PRH1: variants seen among roughly 807,000 people sequenced by gnomAD.
PRH1 encodes the protein salivary acidic proline-rich phosphoprotein 1/2.
Under a neutral mutation model 7.9 loss-of-function variants are expected in PRH1, and 7 were observed. The observed-to-expected ratio is 0.89, with a 90% CI of 0.50 to 1.67. The LOEUF is 1.67. Among genes scored for constraint, PRH1 ranks in the 40% most tolerant of loss-of-function variants. PRH1 has a pLI of 0.00. For synonymous variants in PRH1, 45 were observed against 80.8 expected (o/e 0.56, Z 2.38); for missense variants, 109 against 223.6 (o/e 0.49, Z 3.27).
chr12:10,959,482 A>G (rs920340348), intron 2 of PRH1, among the ~76,000 whole-genome samples: 1 of 152,038 alleles, frequency 6.6e-6, no homozygotes, highest in African/African-American at 2.4e-5. Context: ...GTAAATTTAG[A>G]CCCTTATTTT....
intron 3 of PRH1, 133 bp downstream of exon 3, chr12:10,882,084 C>A: frequency 6.6e-7 from 1 of 1,507,946 alleles, no homozygotes; most frequent in Non-Finnish European, 8.9e-7. Context: ...ACAAGAATAT[C>A]TGAATAACAA....
At chr12:10,885,507 A>C (rs748014414), upstream of PRH1, among the ~76,000 whole-genome samples, 5 of 152,150 alleles carry the variant, frequency 3.3e-5, no homozygotes, top group Non-Finnish European at 7.3e-5. Context: ...ACAATAAAAA[A>C]TTAAGTTTCC....
chr12:11,097,384 T>C (rs1945098421), intron 1 of PRH1: 1 of 116,734 alleles, frequency 8.6e-6, no homozygotes, highest in Non-Finnish European at 2.0e-5. Flanking sequence ...TTTGACAGTT[T>C]GGTCCTAAAA....
rs537766072 is a variant in PRH1 at position 10,925,789 on chromosome 12, T to A, written c.-58-41514A>T. ...CTCATTCCTTCTCATATTGTAATAA[T>A]GAAATGAATAAATGAATAGCAAGTG... On this transcript the variant is annotated intron_variant, in intron 2 of 3. Coordinates refer to the PRH1 transcript ENST00000539853. 5.5e-4 allele frequency among the ~76,000 whole-genome samples: 84 copies of A among 152,308 alleles called. 1 individual carries two copies. The highest frequency in any genetic ancestry group is 1.6e-3 in the African/African-American group (67 of 41,568).
At chr12:11,095,020 G>T (rs374456939) in intron 1 of PRH1, among the ~76,000 whole-genome samples, 1,220 of 53,304 alleles carry the variant, frequency 0.023, 177 homozygotes, top group South Asian at 0.036. Context: ...TACTTTGAAC[G>T]CTGTATAGGT....
At chr12:11,061,230 TAA>T (rs1943586281) in intron 1 of PRH1, 2 of 1,321,586 alleles carry the variant, frequency 1.5e-6, no homozygotes, top group Admixed American at 2.6e-5. Context: ...TAACGTTAGG[TAA>T]AAGACTTTTC....
upstream of PRH1, among the ~76,000 whole-genome samples, chr12:10,886,294 G>A (rs1037956008): frequency 3.9e-5 from 6 of 152,178 alleles, no homozygotes; most frequent in African/African-American, 1.2e-4. Flanking sequence ...AAAGAGGAGT[G>A]CCAGGCAGAT....
intron 2 of PRH1, among the ~76,000 whole-genome samples, chr12:10,970,995 C>CT (rs1455059255): frequency 6.6e-6 from 1 of 152,142 alleles, no homozygotes; most frequent in Admixed American, 6.5e-5. Flanking sequence ...CATTATTTTA[C>CT]TTTTTTTGCC....
chr12:10,997,053 G>A (rs771389148), intron 1 of PRH1: 5 of 1,614,024 alleles, frequency 3.1e-6, no homozygotes, highest in South Asian at 1.1e-5. Context: ...ATGAATGAGT[G>A]GAATGATGGA....
chr12:11,092,650 T>C (rs1386487879), intron 1 of PRH1, among the ~76,000 whole-genome samples: 1 of 110,030 alleles, frequency 9.1e-6, no homozygotes, highest in African/African-American at 3.0e-5. Flanking sequence ...CGCTGATTGC[T>C]GTGGTTTTAC....
At chr12:11,071,186 T>G (rs1417247852) in intron 1 of PRH1, among the ~76,000 whole-genome samples, 1,655 of 150,314 alleles carry the variant, frequency 0.011, no homozygotes, top group Middle Eastern at 0.024. Flanking sequence ...ACCACAGAAT[T>G]TTTACCTCCA....
At chr12:11,117,582 G>T (rs923974797), downstream of PRH1, among the ~76,000 whole-genome samples, 2 of 151,922 alleles carry the variant, frequency 1.3e-5, no homozygotes, top group African/African-American at 4.8e-5. Context: ...TTTATATAGA[G>T]CCACAACTGA....
chr12:10,982,016 T>C (rs779512044), intron 1 of PRH1, among the ~76,000 whole-genome samples: 41 of 152,184 alleles, frequency 2.7e-4, no homozygotes, highest in Non-Finnish European at 3.7e-4. Flanking sequence ...TTTTTGAAGA[T>C]CAGATGGTAC....
chr12:10,912,025 T>G (rs896021340), intron 2 of PRH1, among the ~76,000 whole-genome samples: 14 of 152,322 alleles, frequency 9.2e-5, no homozygotes, highest in African/African-American at 3.1e-4. Context: ...TGCACATGAA[T>G]GGAATAATAC....
chr12:11,010,230 A>T (rs750671416), intron 1 of PRH1, among the ~76,000 whole-genome samples: 103 of 152,114 alleles, frequency 6.8e-4, no homozygotes, highest in Non-Finnish European at 1.3e-3. Flanking sequence ...ATAATCTTTT[A>T]AAAATGTCTT....
chr12:11,068,039 T>TA lies in PRH1; in HGVS notation n.124-20852dup, dbSNP rs1421023040. ...TTCTGCTTTTTTAACTTTTTTTTTT[T>TA]ATTGGGGAGCATAACTTACATATGG... On this transcript the variant is annotated intron_variant and non_coding_transcript_variant, in intron 1 of 4. Coordinates refer to the PRH1 transcript ENST00000541977. 5.3e-5 allele frequency among the ~76,000 whole-genome samples: 8 copies of TA among 152,032 alleles called. No individual in the cohort carries two copies. The East Asian group carries it at 5.8e-4, about 11-fold the overall frequency.
intron 1 of PRH1, among the ~76,000 whole-genome samples, chr12:11,130,305 T>C (rs2600361): frequency 0.45 from 69,056 of 151,850 alleles, 16,493 homozygotes; most frequent in Non-Finnish European, 0.52. Context: ...ACATAGGTGA[T>C]GTTTTAAGGT....
chr12:11,082,369 A>G lies in PRH1; in HGVS notation n.124-35181T>C, dbSNP rs574500541. ...ACCCAGTCTGGAGTTCAATGGCACA[A>G]TCTTGGCTCACGGCAACAGCTGCCT... On this transcript the variant is annotated intron_variant and non_coding_transcript_variant, in intron 1 of 4. Coordinates refer to the PRH1 transcript ENST00000541977. Among the ~76,000 whole-genome samples, 4 of 114,780 alleles carry G rather than the reference A, an allele frequency of 3.5e-5. No individual in the cohort carries two copies. The South Asian group carries it at 9.5e-4, about 27-fold the overall frequency. The allele number at this position is 114,780 out of a possible 152,430, so 75.3% of individuals were successfully genotyped here.
chr12:10,907,201 A>G lies in PRH1; in HGVS notation c.-58-22926T>C, dbSNP rs117988410. On this transcript the variant is annotated intron_variant, in intron 2 of 3. Transcript: ENST00000539853. ...AACTCTGGCAGTTTTTTCTTAAGTT[A>G]AACATACACTTATCATATGATTTGA... Among the ~76,000 whole-genome samples the G allele has an allele frequency of 6.6e-5, 10 of 152,324 alleles. No homozygotes were observed. The East Asian group carries it at 1.9e-3, about 29-fold the overall frequency.
Sources: gnomAD v4.1 joint callset for allele counts (sites outside exome capture counted in the v4.1 genomes callset) on GRCh38, gnomAD v4.1.1 for gene constraint, MANE v1.5 for transcripts, NCBI Gene and HGNC (gene_info 2026-07-23, HGNC 2026-07-21) for gene names.